Variants in MRPL3 observed in about 807,000 individuals in gnomAD.
The protein encoded by MRPL3 is mitochondrial ribosomal protein L3.
A neutral mutation model predicts 44.3 loss-of-function variants in MRPL3; 43 were observed. That is an observed-to-expected ratio of 0.97 (90% CI 0.76 to 1.25). The LOEUF (loss-of-function observed/expected upper bound fraction) is 1.25. Ranked by LOEUF, MRPL3 falls within the 50% of genes most tolerant of loss-of-function variation. MRPL3 has a pLI of 0.00. For missense variants in MRPL3, 406 were observed against 427.6 expected, an observed-to-expected ratio of 0.95 and a Z score of 0.45; for synonymous variants, 171 against 152.3, an observed-to-expected ratio of 1.12 and a Z score of -0.91.
At chr3:131,475,554 A>G (rs547157510) in intron 6 of MRPL3, among the ~76,000 whole-genome samples, 15 of 152,332 alleles carry the variant, frequency 9.8e-5, no homozygotes, top group African/African-American at 3.4e-4. Flanking sequence ...TCATAGGTCA[A>G]AAGTCACTTT....
At chr3:131,480,798 A>T (rs1933965878) in intron 6 of MRPL3, among the ~76,000 whole-genome samples, 1 of 152,236 alleles carries the variant, frequency 6.6e-6, no homozygotes, top group Admixed American at 6.5e-5. Context: ...ATGAGCTATG[A>T]ATCTACTGTC....
At chr3:131,500,303 G>C (rs1559835191) in intron 3 of MRPL3, 127 bp downstream of exon 3, 1 of 711,358 alleles carries the variant, frequency 1.4e-6, no homozygotes, top group South Asian at 1.8e-5. Context: ...TACTATTTAT[G>C]TTCAACATCA....
chr3:131,466,559 T>C (rs936558274), intron 9 of MRPL3, among the ~76,000 whole-genome samples: 2 of 152,038 alleles, frequency 1.3e-5, no homozygotes, highest in East Asian at 3.9e-4. Flanking sequence ...AATCAGAGCA[T>C]GGTGTTAGTA....
At chr3:131,502,489 G>C (rs1379401296) in intron 1 of MRPL3, among the ~76,000 whole-genome samples, 5 of 152,230 alleles carry the variant, frequency 3.3e-5, no homozygotes, top group Admixed American at 6.5e-5. Flanking sequence ...CTCACTAATT[G>C]TAAGATATGA....
At chr3:131,490,197 T>C in intron 4 of MRPL3, 117 bp from the exon 5 acceptor site, 2 of 697,868 alleles carry the variant, frequency 2.9e-6, no homozygotes, top group Non-Finnish European at 4.9e-6. Context: ...CATACCTTAT[T>C]CCTTAATGAA....
chr3:131,482,461 G>C (rs1934012254), intron 6 of MRPL3, among the ~76,000 whole-genome samples: 1 of 151,284 alleles, frequency 6.6e-6, no homozygotes, highest in Non-Finnish European at 1.5e-5. Context: ...CTTGCAGTGA[G>C]CCGAGATCGT....
At chr3:131,464,284 G>T (rs1933552323) in intron 9 of MRPL3, among the ~76,000 whole-genome samples, 1 of 152,072 alleles carries the variant, frequency 6.6e-6, no homozygotes, top group Non-Finnish European at 1.5e-5. Flanking sequence ...CACTTTTATA[G>T]AACTATTATA....
intron 6 of MRPL3, among the ~76,000 whole-genome samples, chr3:131,486,403 TAC>T (rs1934123387): frequency 9.9e-6 from 1 of 101,212 alleles, no homozygotes; most frequent in African/African-American, 3.6e-5. Context: ...CAAAAAAAAC[TAC>T]CATCAGAATG....
At chr3:131,487,459 CA>C in intron 6 of MRPL3, 3 of 424,022 alleles carry the variant, frequency 7.1e-6, no homozygotes, top group Non-Finnish European at 1.3e-5. Flanking sequence ...AAAAAAAAAA[CA>C]AATAAAAATA....
chr3:131,497,643 T>G (rs1478071006), intron 4 of MRPL3, among the ~76,000 whole-genome samples: 1 of 152,150 alleles, frequency 6.6e-6, no homozygotes, highest in Non-Finnish European at 1.5e-5. Context: ...AGTACTCTAC[T>G]TAAAAAAAAA....
chr3:131,501,482 G>T, intron 2 of MRPL3, 49 bp downstream of exon 2: 1 of 1,427,112 alleles, frequency 7.0e-7, no homozygotes. Flanking sequence ...AATGTGTCCA[G>T]CCACACAGTA....
At position 131,475,396 on chromosome 3, in the gene MRPL3, A is replaced by T. The variant is rs550183027; in HGVS notation, c.630-4117T>A. Among the ~76,000 whole-genome samples, 3 of 152,310 alleles carry T rather than the reference A, an allele frequency of 2.0e-5. No homozygotes were observed. In the East Asian group the frequency reaches 5.8e-4, roughly 29 times the overall value. On this transcript the variant is annotated intron_variant, in intron 6 of 9. Coordinates refer to ENST00000264995, the MANE Select transcript of MRPL3 (RefSeq NM_007208.4). ...AGGATAAGGCTGGGTCTGGTGGCAC[A>T]TGCCTGTAATCCCAGCACTTTGGGA... is the stretch of plus-strand genomic sequence containing the variant.
chr3:131,470,224 CA>C (rs890605236), intron 7 of MRPL3, among the ~76,000 whole-genome samples: 6 of 152,092 alleles, frequency 3.9e-5, no homozygotes, highest in African/African-American at 1.4e-4. Context: ...TTTCCTTGAC[CA>C]AAATTATTCA....
chr3:131,495,269 T>C (rs1330806102), intron 4 of MRPL3, among the ~76,000 whole-genome samples: 7 of 152,190 alleles, frequency 4.6e-5, no homozygotes, highest in Non-Finnish European at 8.8e-5. Context: ...GAAGTCTGGA[T>C]ACTTTTAGTT....
At chr3:131,473,534 G>C (rs1933786075) in intron 6 of MRPL3, among the ~76,000 whole-genome samples, 2 of 151,644 alleles carry the variant, frequency 1.3e-5, no homozygotes, top group African/African-American at 4.8e-5. Context: ...GGCAACAAAA[G>C]AAAAGACACA....
intron 6 of MRPL3, among the ~76,000 whole-genome samples, chr3:131,485,448 G>A (rs1404062909): frequency 2.0e-5 from 3 of 152,056 alleles, no homozygotes. Flanking sequence ...TTACTATGTG[G>A]CATTTTATAT....
At chr3:131,481,052 C>T (rs1187887271) in intron 6 of MRPL3, among the ~76,000 whole-genome samples, 2 of 152,150 alleles carry the variant, frequency 1.3e-5, no homozygotes, top group Non-Finnish European at 2.9e-5. Flanking sequence ...TCTCAAGAAA[C>T]AGATTAGAAG....
intron 1 of MRPL3, 188 bp from the exon 2 acceptor site, chr3:131,501,903 A>C: frequency 6.5e-7 from 1 of 1,537,158 alleles, no homozygotes; most frequent in South Asian, 1.2e-5. Flanking sequence ...TAAGGCTCAC[A>C]TTTAAACTGT....
In MRPL3 at chr3:131,498,286, AC is replaced by A. The variant is rs200410560; in HGVS notation, c.370-10del. On this transcript the variant is annotated splice_polypyrimidine_tract_variant and intron_variant, in intron 3 of 9. Transcript: ENST00000264995. Reference sequence around the variant, plus strand: ...ACATGACAGTCTTGTACCTAAAAAAACAAACATAAAAAAACTAAGCATGTGC... The same window carrying A: ...ACATGACAGTCTTGTACCTAAAAAAAAAACATAAAAAAACTAAGCATGTGC... The A allele has an allele frequency of 1.3e-6, 2 of 1,565,140 alleles. No individual in the cohort carries two copies. The highest frequency in any genetic ancestry group is 2.2e-5 in the East Asian group (1 of 44,664).
Sources: gnomAD v4.1 joint callset for allele counts (sites outside exome capture counted in the v4.1 genomes callset) on GRCh38, gnomAD v4.1.1 for gene constraint, MANE v1.5 for transcripts, NCBI Gene and HGNC (gene_info 2026-07-23, HGNC 2026-07-21) for gene names.